Variants in ARL15 observed in about 807,000 individuals in gnomAD.
ARL15 encodes the protein ARF like GTPase 15.
Under a neutral mutation model 25.2 loss-of-function variants are expected in ARL15, and 19 were observed. That is an observed-to-expected ratio of 0.75 (90% confidence interval 0.53 to 1.10). The LOEUF (loss-of-function observed/expected upper bound fraction) is 1.10. ARL15 is among the 50% of genes least tolerant of loss of function. The pLI is 0.00. For missense variants in ARL15, 220 were observed against 246.0 expected (o/e 0.89, Z 0.71); for synonymous variants, 94 against 86.8 (o/e 1.08, Z -0.46).
intron 1 of ARL15, among the ~76,000 whole-genome samples, chr5:54,231,377 C>T (rs937757113): frequency 6.6e-6 from 1 of 152,154 alleles, no homozygotes; most frequent in African/African-American, 2.4e-5. Context: ...CAGCCTATAA[C>T]ATCCACTTCT....
intron 1 of ARL15, among the ~76,000 whole-genome samples, chr5:54,188,558 G>C (rs1042350335): frequency 1.3e-4 from 16 of 121,774 alleles, no homozygotes; most frequent in Admixed American, 5.6e-4. Context: ...GACAGTATTT[G>C]CCAGAGATAA....
At chr5:54,121,143 G>A (rs1753062040) in intron 3 of ARL15, among the ~76,000 whole-genome samples, 1 of 152,134 alleles carries the variant, frequency 6.6e-6, no homozygotes, top group South Asian at 2.1e-4. Flanking sequence ...CACTTTGAGT[G>A]TTTTTTCGTC....
At chr5:54,296,154 C>T (rs1237898629) in intron 1 of ARL15, among the ~76,000 whole-genome samples, 2 of 152,164 alleles carry the variant, frequency 1.3e-5, no homozygotes, top group Admixed American at 6.5e-5. Context: ...GTGTCTTTAA[C>T]CCAGTTACCC....
At chr5:54,217,998 G>C (rs1253448379) in intron 1 of ARL15, among the ~76,000 whole-genome samples, 1 of 152,084 alleles carries the variant, frequency 6.6e-6, no homozygotes, top group Non-Finnish European at 1.5e-5. Flanking sequence ...AATTAAGACT[G>C]GGAATGAAAT....
intron 1 of ARL15, among the ~76,000 whole-genome samples, chr5:54,256,573 A>C (rs1201874512): frequency 6.7e-6 from 1 of 148,892 alleles, no homozygotes; most frequent in Non-Finnish European, 1.5e-5. Flanking sequence ...CAGTCTATGA[A>C]GCCAGTATTA....
At chr5:54,294,632 C>G (rs560689746) in intron 1 of ARL15, among the ~76,000 whole-genome samples, 1 of 152,332 alleles carries the variant, frequency 6.6e-6, no homozygotes, top group East Asian at 1.9e-4. Flanking sequence ...CAGGGCTACA[C>G]AGCAGAATTA....
intron 1 of ARL15, among the ~76,000 whole-genome samples, chr5:54,188,394 G>A (rs141822965): frequency 1.2e-3 from 183 of 152,166 alleles, no homozygotes; most frequent in African/African-American, 4.3e-3. Context: ...TCTATACAAG[G>A]AATTATGACT....
At chr5:54,256,172 C>A (rs1328038908) in intron 1 of ARL15, among the ~76,000 whole-genome samples, 2 of 151,718 alleles carry the variant, frequency 1.3e-5, no homozygotes, top group Non-Finnish European at 2.9e-5. Context: ...GCTACACTAA[C>A]CAAGAAAAAG....
chr5:54,164,030 T>A (rs1241256145), intron 2 of ARL15, among the ~76,000 whole-genome samples: 1 of 152,050 alleles, frequency 6.6e-6, no homozygotes, highest in Non-Finnish European at 1.5e-5. Context: ...GGTATAAACT[T>A]TTCTTAAAGT....
chr5:54,113,402 T>C lies in ARL15; in HGVS notation c.262A>G (p.Asn88Asp). The C allele has an allele frequency of 6.2e-7, 1 of 1,612,054 alleles. No individual in the cohort carries two copies. The highest frequency in any genetic ancestry group is 8.5e-7 in the Non-Finnish European group (1 of 1,179,402). The change falls in exon 4 of 5, where the codon AAC (asparagine) becomes GAC (aspartate). Residue 88 changes from asparagine to aspartate, a missense_variant. Physicochemically the swap from Asn to Asp is conservative, Grantham distance 23. Coordinates refer to ENST00000504924, the MANE Select transcript of ARL15 (RefSeq NM_019087.3). Reference sequence around the variant, plus strand: ...TAGCGGCTCCAGTATTTCCGGATGTTATCAGCCCCTGTCAAAAACAAAACA... The same window carrying C: ...TAGCGGCTCCAGTATTTCCGGATGTCATCAGCCCCTGTCAAAAACAAAACA... ...LNVKELGGAD[N>D]IRKYWSRYYQ...
intron 1 of ARL15, among the ~76,000 whole-genome samples, chr5:54,219,385 A>G (rs1437926104): frequency 6.6e-6 from 1 of 152,210 alleles, no homozygotes; most frequent in African/African-American, 2.4e-5. Flanking sequence ...ACTAAAATGC[A>G]TCAAATCTCA....
intron 4 of ARL15, among the ~76,000 whole-genome samples, chr5:53,987,376 G>A (rs954123414): frequency 6.6e-6 from 1 of 151,772 alleles, no homozygotes; most frequent in African/African-American, 2.4e-5. Context: ...ATCTAGCCTC[G>A]TCCTTCCACA....
In ARL15 at chr5:54,113,239, T is replaced by C. The variant is rs1054253877; in HGVS notation, c.425A>G (p.Asn142Ser). The change falls in exon 4 of 5, where the codon AAT (asparagine) becomes AGT (serine). Residue 142 changes from asparagine to serine, a missense_variant. Transcript: ENST00000504924. ...GCGAGCTGCTGGCTTGTCTTGATGA[T>C]TGGCCAATATTAAAAAGGGTAAAGT... is the stretch of plus-strand genomic sequence containing the variant. ...LCTLPFLILA[N>S]HQDKPAARSV... is the part of the protein sequence containing the mutation. 38 of 1,613,692 alleles carry C rather than the reference T, an allele frequency of 2.4e-5. No homozygotes were observed. The highest frequency in any genetic ancestry group is 3.0e-5 in the Non-Finnish European group (35 of 1,179,860).
intron 4 of ARL15, among the ~76,000 whole-genome samples, chr5:53,929,220 C>A (rs1013967869): frequency 6.7e-6 from 1 of 149,764 alleles, no homozygotes; most frequent in African/African-American, 2.5e-5. Context: ...TAGATAGAAG[C>A]GAAAAGGGAC....
intron 3 of ARL15, among the ~76,000 whole-genome samples, chr5:54,129,424 G>A (rs1753367055): frequency 6.6e-6 from 1 of 152,212 alleles, no homozygotes; most frequent in East Asian, 1.9e-4. Flanking sequence ...ATGGAAGAGA[G>A]AGAGAATCTG....
intron 4 of ARL15, among the ~76,000 whole-genome samples, chr5:54,073,121 A>G (rs1473328458): frequency 1.3e-5 from 2 of 152,244 alleles, no homozygotes; most frequent in Non-Finnish European, 2.9e-5. Flanking sequence ...ATATAACTGT[A>G]ACCATACTGA....
chr5:53,991,474 G>GGAGGTTGCAGTGAGCTGAGGCA (rs1318541565), intron 4 of ARL15, among the ~76,000 whole-genome samples: 69 of 149,480 alleles, frequency 4.6e-4, no homozygotes, highest in African/African-American at 1.6e-3. Flanking sequence ...CCTGGGAGGC[G>GGAGGTTGCAGTGAGCTGAGGCA]GAGGTTGCAG....
At chr5:54,083,027 A>C (rs1751853767) in intron 4 of ARL15, among the ~76,000 whole-genome samples, 1 of 152,162 alleles carries the variant, frequency 6.6e-6, no homozygotes, top group African/African-American at 2.4e-5. Flanking sequence ...AAAATAAGGG[A>C]AACAGAAAGA....
At position 53,919,466 on chromosome 5, in the gene ARL15, C is replaced by A. The variant is rs114424303; in HGVS notation, c.463-32753G>T. Among the ~76,000 whole-genome samples the A allele has an allele frequency of 7.9e-3, 1,210 of 152,222 alleles. 23 individuals carry two copies. The highest frequency in any genetic ancestry group is 0.028 in the African/African-American group (1,177 of 41,532). The stretch of plus-strand genomic sequence containing the variant: ...TGCAGAGCAGTAGAAATACATTTAC[C>A]TTTCTTATGAAGACAAGAAAAAAGA... On this transcript the variant is annotated intron_variant, in intron 4 of 4. Coordinates refer to ENST00000504924, the MANE Select transcript of ARL15 (RefSeq NM_019087.3).
Sources: gnomAD v4.1 joint callset for allele counts (sites outside exome capture counted in the v4.1 genomes callset) on GRCh38, gnomAD v4.1.1 for gene constraint, MANE v1.5 for transcripts, NCBI Gene and HGNC (gene_info 2026-07-23, HGNC 2026-07-21) for gene names.